Variants in ADAMTSL1 observed in about 807,000 individuals in gnomAD.
The protein encoded by ADAMTSL1 is ADAMTS-like protein 1.
A neutral mutation model predicts 201.8 loss-of-function variants in ADAMTSL1; 126 were observed. The ratio of observed to expected loss-of-function variants is 0.62; its 90% confidence interval spans 0.54 to 0.72. ADAMTSL1 has a LOEUF of 0.72. ADAMTSL1 is among the 30% of genes least tolerant of loss of function. The probability of loss-of-function intolerance (pLI) is 0.00; values close to 1 mark genes in which losing one functional copy is unlikely to be tolerated. For synonymous variants in ADAMTSL1, 1,121 were observed against 903.4 expected (o/e 1.24, Z -4.32); for missense variants, 2,679 against 2,277.8 (o/e 1.18, Z -3.59).
intron 1 of ADAMTSL1, among the ~76,000 whole-genome samples, chr9:17,998,257 A>G (rs920015408): frequency 6.6e-6 from 1 of 152,088 alleles, no homozygotes; most frequent in African/African-American, 2.4e-5. Context: ...ATGGAAACCA[A>G]TGTCTCCAGA....
At chr9:18,044,143 G>C (rs1166959986) in intron 1 of ADAMTSL1, among the ~76,000 whole-genome samples, 1 of 150,704 alleles carries the variant, frequency 6.6e-6, no homozygotes, top group Non-Finnish European at 1.5e-5. Flanking sequence ...ATTTCCTGTA[G>C]GGAATAGACT....
intron 7 of ADAMTSL1, among the ~76,000 whole-genome samples, chr9:18,650,000 C>G (rs1828109359): frequency 2.0e-5 from 3 of 152,170 alleles, no homozygotes; most frequent in Admixed American, 2.0e-4. Context: ...AGAGGTGGAG[C>G]CTACAGAGGC....
At chr9:18,900,834 G>A (rs535084191) in intron 26 of ADAMTSL1, among the ~76,000 whole-genome samples, 84 of 152,262 alleles carry the variant, frequency 5.5e-4, no homozygotes, top group African/African-American at 1.8e-3. Context: ...AGGATTCTGG[G>A]CTTGATACCC....
At chr9:18,095,753 A>G (rs1057218648) in intron 1 of ADAMTSL1, among the ~76,000 whole-genome samples, 1 of 152,106 alleles carries the variant, frequency 6.6e-6, no homozygotes, top group Non-Finnish European at 1.5e-5. Flanking sequence ...TGCTGGGCTG[A>G]CAACGTATTT....
intron 3 of ADAMTSL1, among the ~76,000 whole-genome samples, chr9:18,551,192 C>T (rs1289186284): frequency 1.3e-5 from 2 of 151,882 alleles, no homozygotes; most frequent in Non-Finnish European, 2.9e-5. Context: ...CTCTTTGCTT[C>T]ATATCCTTGC....
chr9:18,746,757 C>G (rs938319052), intron 15 of ADAMTSL1, among the ~76,000 whole-genome samples: 1 of 147,666 alleles, frequency 6.8e-6, no homozygotes, highest in African/African-American at 2.5e-5. Context: ...CATAATGAGC[C>G]CTTGTCCAAA....
intron 2 of ADAMTSL1, among the ~76,000 whole-genome samples, chr9:18,358,896 C>A (rs1836374827): frequency 6.6e-6 from 1 of 152,146 alleles, no homozygotes; most frequent in Non-Finnish European, 1.5e-5. Flanking sequence ...GAATTTGCTT[C>A]CCAATATCAC....
At chr9:18,650,743 C>A (rs1828189589) in intron 7 of ADAMTSL1, among the ~76,000 whole-genome samples, 1 of 152,156 alleles carries the variant, frequency 6.6e-6, no homozygotes, top group Non-Finnish European at 1.5e-5. Flanking sequence ...AGCAGCGTTT[C>A]TTCTAAAAAT....
At chr9:18,115,777 G>A (rs1825223533) in intron 1 of ADAMTSL1, among the ~76,000 whole-genome samples, 1 of 152,122 alleles carries the variant, frequency 6.6e-6, no homozygotes, top group South Asian at 2.1e-4. Flanking sequence ...TAGTGATGAT[G>A]CTTGTTCGTG....
chr9:17,969,855 T>C (rs551912993), intron 1 of ADAMTSL1, among the ~76,000 whole-genome samples: 93 of 152,230 alleles, frequency 6.1e-4, no homozygotes, highest in Non-Finnish European at 1.3e-3. Flanking sequence ...TTTAGGCATA[T>C]GCAAACTTGT....
intron 26 of ADAMTSL1, among the ~76,000 whole-genome samples, chr9:18,904,422 T>A (rs889318878): frequency 6.6e-6 from 1 of 151,854 alleles, no homozygotes; most frequent in South Asian, 2.1e-4. Context: ...TAAGCCGAGA[T>A]TGCACCACTG....
chr9:17,958,231 C>T (rs1045665627), intron 1 of ADAMTSL1, among the ~76,000 whole-genome samples: 3 of 152,052 alleles, frequency 2.0e-5, no homozygotes, highest in African/African-American at 7.2e-5. Flanking sequence ...ATAAAACCTC[C>T]TTGAGTTTCT....
At chr9:18,649,986 C>T (rs185285561) in intron 7 of ADAMTSL1, among the ~76,000 whole-genome samples, 37 of 152,320 alleles carry the variant, frequency 2.4e-4, no homozygotes, top group African/African-American at 8.9e-4. Context: ...TGTGCCCTGC[C>T]ATCAGAGGTG....
At chr9:18,683,658 T>C (rs1471868458) in intron 12 of ADAMTSL1, among the ~76,000 whole-genome samples, 1 of 152,210 alleles carries the variant, frequency 6.6e-6, no homozygotes, top group Non-Finnish European at 1.5e-5. Flanking sequence ...TTGCTTTGTT[T>C]TTTGACTATA....
intron 2 of ADAMTSL1, among the ~76,000 whole-genome samples, chr9:18,174,264 G>C (rs769115917): frequency 6.6e-6 from 1 of 152,124 alleles, no homozygotes; most frequent in African/African-American, 2.4e-5. Flanking sequence ...CTATCAACCC[G>C]TGCGTTGAGT....
chr9:18,416,231 C>T (rs76690042), intron 2 of ADAMTSL1, among the ~76,000 whole-genome samples: 9,928 of 151,974 alleles, frequency 0.065, 403 homozygotes, highest in Middle Eastern at 0.12. Flanking sequence ...GAAGTTATAA[C>T]GTAGGTACCT....
In ADAMTSL1 at chr9:18,909,439, G is replaced by C. The variant is rs1830488912; in HGVS notation, c.*891G>C. On this transcript the variant is annotated 3_prime_UTR_variant, in exon 29 of 29. Transcript: ENST00000380548. ...GCAGCTGCAGCAAAGCCAGTGAGAG[G>C]TGGGTCTCGCCATGCAGTAAGGCCA... 6.6e-6 allele frequency: 1 copy of C among 152,396 alleles called. No homozygotes were observed. Among genetic ancestry groups the C allele is most frequent in the Non-Finnish European group, 1.5e-5 (1 of 68,174 alleles). The allele number at this position is 152,396 out of a possible 1,614,324, so 9.4% of individuals were successfully genotyped here.
At chr9:18,600,788 A>C (rs1056778944) in intron 4 of ADAMTSL1, among the ~76,000 whole-genome samples, 2 of 152,216 alleles carry the variant, frequency 1.3e-5, no homozygotes, top group African/African-American at 4.8e-5. Flanking sequence ...AACTACTCAA[A>C]TTTTTAAAAT....
At chr9:18,255,266 C>A (rs1341289567) in intron 2 of ADAMTSL1, among the ~76,000 whole-genome samples, 3 of 152,044 alleles carry the variant, frequency 2.0e-5, no homozygotes, top group African/African-American at 4.8e-5. Flanking sequence ...GGGGCGCTGC[C>A]GCATTCTTTA....
Sources: gnomAD v4.1 joint callset for allele counts (sites outside exome capture counted in the v4.1 genomes callset) on GRCh38, gnomAD v4.1.1 for gene constraint, MANE v1.5 for transcripts, NCBI Gene and HGNC (gene_info 2026-07-23, HGNC 2026-07-21) for gene names.